Variants in MGAT4C observed in about 807,000 individuals in gnomAD.
MGAT4C encodes alpha-1,3-mannosyl-glycoprotein 4-beta-N-acetylglucosaminyltransferase C.
A neutral mutation model predicts 40.1 loss-of-function variants in MGAT4C; 19 were observed. The ratio of observed to expected loss-of-function variants is 0.47; its 90% CI spans 0.33 to 0.70. MGAT4C has a LOEUF of 0.70. Ranked by LOEUF, MGAT4C falls within the 30% of genes least tolerant of loss-of-function variation. The pLI, the probability that MGAT4C is intolerant of heterozygous loss-of-function variation, is 0.02. For synonymous variants in MGAT4C, 181 were observed against 187.1 expected, an observed-to-expected ratio of 0.97 and a Z score of 0.27; for missense variants, 491 against 563.2, an observed-to-expected ratio of 0.87 and a Z score of 1.30.
Position 85,969,339 on chromosome 12 carries a change from ATAGT to A in MGAT4C, c.*9946_*9949del, listed in dbSNP as rs1883507446. On this transcript the variant is annotated 3_prime_UTR_variant, in exon 5 of 5. Transcript: ENST00000611864. The stretch of plus-strand genomic sequence containing the variant: ...GAAATAATAGCTGAAATTTAGAAAC[ATAGT>A]TAATCACACAAAAAATGTTGCATAC... 6.6e-6 allele frequency: 1 copy of A among 151,762 alleles called. No homozygotes were observed. The highest frequency in any genetic ancestry group is 1.5e-5 in the Non-Finnish European group (1 of 67,720). 9.4% of individuals were successfully genotyped at this position (151,762 alleles called of 1,614,324 possible). A position where few individuals can be genotyped will look rare whatever the true frequency, so the allele number is the denominator to read the frequency against.
chr12:86,757,879 G>A (rs1951333487), intron 1 of MGAT4C, among the ~76,000 whole-genome samples: 1 of 152,060 alleles, frequency 6.6e-6, no homozygotes, highest in Non-Finnish European at 1.5e-5. Flanking sequence ...AATTTTAACA[G>A]TTGAAATTCT....
exon 4 of MGAT4C, chr12:86,334,065 G>A (rs866606029): frequency 3.9e-5 from 6 of 152,078 alleles, no homozygotes; most frequent in East Asian, 1.9e-4. Flanking sequence ...CAGGACTCAC[G>A]TTTTAGTTTC....
chr12:86,739,908 A>ATT (rs1415781960), intron 1 of MGAT4C, among the ~76,000 whole-genome samples: 2 of 150,990 alleles, frequency 1.3e-5, no homozygotes, highest in African/African-American at 4.8e-5. Context: ...CCTAAGGCAT[A>ATT]TTATATATAT....
chr12:86,216,745 C>T (rs966479003), intron 1 of MGAT4C, among the ~76,000 whole-genome samples: 1 of 152,130 alleles, frequency 6.6e-6, no homozygotes, highest in African/African-American at 2.4e-5. Context: ...GTTTACATGA[C>T]TTGGCTAATC....
At chr12:86,095,220 G>A (rs774029992) in intron 1 of MGAT4C, among the ~76,000 whole-genome samples, 8 of 152,070 alleles carry the variant, frequency 5.3e-5, no homozygotes, top group Non-Finnish European at 1.2e-4. Context: ...CTCTTCACAT[G>A]AACAATGCTT....
chr12:86,386,846 T>C (rs1362196089), intron 3 of MGAT4C, among the ~76,000 whole-genome samples: 1 of 152,190 alleles, frequency 6.6e-6, no homozygotes. Flanking sequence ...TTCTTCTATT[T>C]GACTTGTTAA....
chr12:86,692,611 C>T (rs964844075), intron 2 of MGAT4C, among the ~76,000 whole-genome samples: 2 of 151,980 alleles, frequency 1.3e-5, no homozygotes, highest in African/African-American at 4.8e-5. Flanking sequence ...GGTATATGAC[C>T]ATCCTGAAGA....
At chr12:86,012,831 C>T (rs1002391069) in intron 2 of MGAT4C, among the ~76,000 whole-genome samples, 2 of 147,902 alleles carry the variant, frequency 1.4e-5, no homozygotes, top group African/African-American at 5.0e-5. Flanking sequence ...ACCACCACCA[C>T]CTGGGTGGTG....
At chr12:86,343,693 A>G (rs554555664) in intron 3 of MGAT4C, among the ~76,000 whole-genome samples, 6 of 152,190 alleles carry the variant, frequency 3.9e-5, no homozygotes, top group Admixed American at 3.9e-4. Context: ...CACTGTGTAC[A>G]CTTTCAAATA....
intron 4 of MGAT4C, among the ~76,000 whole-genome samples, chr12:86,308,108 G>A (rs1953985296): frequency 6.6e-6 from 1 of 150,532 alleles, no homozygotes; most frequent in Non-Finnish European, 1.5e-5. Flanking sequence ...GATGTACAAT[G>A]TTTGATATCT....
chr12:86,209,228 T>C (rs1047861950), intron 1 of MGAT4C, among the ~76,000 whole-genome samples: 2 of 152,058 alleles, frequency 1.3e-5, no homozygotes, highest in Non-Finnish European at 1.5e-5. Context: ...TCTCTGAAGG[T>C]AGATAGCACT....
chr12:86,519,777 T>G (rs1203643195), intron 2 of MGAT4C, among the ~76,000 whole-genome samples: 1 of 152,200 alleles, frequency 6.6e-6, no homozygotes, highest in Non-Finnish European at 1.5e-5. Context: ...TTTTGCTATT[T>G]GAGCCCTTTA....
chr12:86,334,837 C>G (rs377264960), intron 3 of MGAT4C, among the ~76,000 whole-genome samples: 9 of 152,040 alleles, frequency 5.9e-5, no homozygotes, highest in East Asian at 5.8e-4. Context: ...TCAAAGTCAT[C>G]AGTAATTTCT....
chr12:86,095,582 G>T lies in MGAT4C; in HGVS notation c.-56-45859C>A, dbSNP rs573140884. Among the ~76,000 whole-genome samples, 42 of 150,852 alleles carry T rather than the reference G, an allele frequency of 2.8e-4. 2 individuals are homozygous for T. In the South Asian group the frequency reaches 8.8e-3, roughly 31 times the overall value. Reference sequence around the variant, plus strand: ...TTCTAGGGGCTACCTATCTACTCATGCTTTATGCATGCTTTTAGCTTTCCT... The same window carrying T: ...TTCTAGGGGCTACCTATCTACTCATTCTTTATGCATGCTTTTAGCTTTCCT... On this transcript the variant is annotated intron_variant, in intron 1 of 4. Transcript: ENST00000611864.
chr12:86,638,343 A>G (rs964851906), intron 2 of MGAT4C, among the ~76,000 whole-genome samples: 2 of 151,854 alleles, frequency 1.3e-5, no homozygotes, highest in African/African-American at 4.8e-5. Flanking sequence ...CCACAAAGTG[A>G]TAACTCAGCA....
intron 1 of MGAT4C, among the ~76,000 whole-genome samples, chr12:86,112,855 T>C (rs1877705037): frequency 6.6e-6 from 1 of 151,736 alleles, no homozygotes; most frequent in African/African-American, 2.4e-5. Context: ...AGCACCATAT[T>C]ATAGGAAACA....
chr12:86,253,368 G>GAA (rs1305302414), intron 1 of MGAT4C, among the ~76,000 whole-genome samples: 2 of 151,766 alleles, frequency 1.3e-5, no homozygotes, highest in African/African-American at 4.8e-5. Context: ...AAGAAAGAAA[G>GAA]AGAAATTGAT....
chr12:86,512,523 A>T (rs1958607372), intron 2 of MGAT4C, among the ~76,000 whole-genome samples: 1 of 152,126 alleles, frequency 6.6e-6, no homozygotes, highest in South Asian at 2.1e-4. Flanking sequence ...GAAGTATGGA[A>T]ATTTTTAATT....
At chr12:86,296,756 G>C (rs546366615) in intron 4 of MGAT4C, among the ~76,000 whole-genome samples, 10 of 152,328 alleles carry the variant, frequency 6.6e-5, no homozygotes, top group African/African-American at 2.4e-4. Flanking sequence ...CGCAGCCCCA[G>C]TTCCTGCTCG....
Sources: allele counts gnomAD v4.1 joint callset (sites outside exome capture counted in the v4.1 genomes callset), GRCh38; gene constraint gnomAD v4.1.1; transcripts MANE v1.5; gene names NCBI Gene and HGNC (gene_info 2026-07-23, HGNC 2026-07-21).